ZFHX3: variants seen among roughly 807,000 people sequenced by gnomAD.
The protein encoded by ZFHX3 is zinc finger homeobox 3, also known as zinc finger homeobox protein 3.
A neutral mutation model predicts 279.1 loss-of-function variants in ZFHX3; 42 were observed. The observed-to-expected ratio is 0.15, with a 90% confidence interval of 0.12 to 0.19. The LOEUF (loss-of-function observed/expected upper bound fraction) is 0.19, where lower values mean the gene tolerates loss of function less well. Among genes scored for constraint, ZFHX3 ranks in the 10% least tolerant of loss-of-function variants. The pLI, the probability that ZFHX3 is intolerant of heterozygous loss-of-function variation, is 1.00. For synonymous variants in ZFHX3, 2,293 were observed against 1,957.8 expected (o/e 1.17, Z -4.52); for missense variants, 4,981 against 4,754.0 (o/e 1.05, Z -1.40).
intron 3 of ZFHX3, among the ~76,000 whole-genome samples, chr16:73,346,577 T>C (rs1407494490): frequency 6.6e-6 from 1 of 152,224 alleles, no homozygotes; most frequent in East Asian, 1.9e-4. Context: ...GTTCAAGCGA[T>C]TCTTATGCCT....
At chr16:73,439,909 C>CAAAAAAAAAAAAAAAAA (rs71156164) in intron 3 of ZFHX3, among the ~76,000 whole-genome samples, 4 of 75,444 alleles carry the variant, frequency 5.3e-5, no homozygotes, top group Admixed American at 2.0e-4. Context: ...GGGAGAGGGA[C>CAAAAAAAAAAAAAAAAA]AAAAAAAAAA....
At chr16:73,177,661 T>A (rs1967694525) in intron 5 of ZFHX3, among the ~76,000 whole-genome samples, 3 of 152,324 alleles carry the variant, frequency 2.0e-5, no homozygotes, top group African/African-American at 7.2e-5. Context: ...CTAGACCAAA[T>A]ACAATTTTTT....
chr16:73,586,041 C>G (rs1359591218), intron 2 of ZFHX3, among the ~76,000 whole-genome samples: 1 of 151,860 alleles, frequency 6.6e-6, no homozygotes, highest in Admixed American at 6.6e-5. Flanking sequence ...AAATTCTAAA[C>G]TAAGAAAATA....
chr16:72,922,640 C>A (rs2065392220), intron 3 of ZFHX3, among the ~76,000 whole-genome samples: 1 of 152,166 alleles, frequency 6.6e-6, no homozygotes, highest in Non-Finnish European at 1.5e-5. Flanking sequence ...CCTTATGGAA[C>A]GACCGTCACT....
chr16:72,799,471 T>A (rs2036026464), intron 8 of ZFHX3, among the ~76,000 whole-genome samples: 1 of 152,170 alleles, frequency 6.6e-6, no homozygotes, highest in African/African-American at 2.4e-5. Context: ...TTAGAACTCT[T>A]CCCACCTTAG....
intron 4 of ZFHX3, among the ~76,000 whole-genome samples, chr16:72,870,934 TTTTGATGTCAAGGG>T (rs1481304931): frequency 7.9e-5 from 12 of 152,286 alleles, no homozygotes; most frequent in African/African-American, 2.9e-4. Context: ...CACTAACTTA[TTTTGATGTCAAGGG>T]GCACCATGTG....
intron 1 of ZFHX3, among the ~76,000 whole-genome samples, chr16:73,731,389 G>C (rs1428414695): frequency 1.3e-5 from 2 of 151,990 alleles, no homozygotes; most frequent in Non-Finnish European, 2.9e-5. Context: ...CTGGGGGAGG[G>C]GCGTGGAGGT....
At chr16:73,543,820 C>G in intron 2 of ZFHX3, 1 of 149,986 alleles carries the variant, frequency 6.7e-6, no homozygotes. Context: ...CTTCCCAGAG[C>G]CTTCTGCTGG....
At chr16:73,310,998 C>T (rs147806436) in intron 4 of ZFHX3, among the ~76,000 whole-genome samples, 2,689 of 152,138 alleles carry the variant, frequency 0.018, 70 homozygotes, top group African/African-American at 0.054. Context: ...CTTGCGAGGC[C>T]GAGGCAGGCG....
intron 1 of ZFHX3, among the ~76,000 whole-genome samples, chr16:73,772,596 G>A (rs115316941): frequency 7.9e-5 from 12 of 152,268 alleles, no homozygotes; most frequent in South Asian, 6.2e-4. Flanking sequence ...AGATATGTCC[G>A]TTCTGCAGTT....
chr16:73,001,417 A>G (rs1369799185), intron 1 of ZFHX3, among the ~76,000 whole-genome samples: 5 of 152,186 alleles, frequency 3.3e-5, no homozygotes, highest in African/African-American at 1.2e-4. Context: ...ACCCACAGAA[A>G]CTGTAAGATA....
intron 2 of ZFHX3, among the ~76,000 whole-genome samples, chr16:73,562,642 C>A (rs2020388697): frequency 6.8e-6 from 1 of 147,422 alleles, no homozygotes; most frequent in Admixed American, 6.8e-5. Context: ...TCTCTTCATT[C>A]ACTTGTCTCA....
chr16:73,340,187 C>T (rs1014829157), intron 3 of ZFHX3, among the ~76,000 whole-genome samples: 1 of 152,142 alleles, frequency 6.6e-6, no homozygotes, highest in African/African-American at 2.4e-5. Context: ...AAGAGGTGCT[C>T]AGAGGAGGTT....
chr16:73,034,435 C>A (rs1315310759), intron 1 of ZFHX3, among the ~76,000 whole-genome samples: 1 of 152,200 alleles, frequency 6.6e-6, no homozygotes, highest in East Asian at 1.9e-4. Flanking sequence ...AAGCAATGCA[C>A]CACACAGTCC....
At chr16:73,503,759 C>A (rs1193404936) in intron 2 of ZFHX3, among the ~76,000 whole-genome samples, 1 of 152,176 alleles carries the variant, frequency 6.6e-6, no homozygotes, top group Non-Finnish European at 1.5e-5. Context: ...TTAAATGTAA[C>A]CACCGAACTG....
intron 2 of ZFHX3, among the ~76,000 whole-genome samples, chr16:73,497,638 C>G (rs534577076): frequency 6.6e-6 from 1 of 152,208 alleles, no homozygotes; most frequent in South Asian, 2.1e-4. Context: ...CCACTGCACT[C>G]CAGCCTGGGC....
Position 73,530,536 on chromosome 16 carries a change from A to C in ZFHX3, c.-1546-74278T>G, listed in dbSNP as rs1475701098. Among the ~76,000 whole-genome samples, 5 of 152,170 alleles carry C rather than the reference A, an allele frequency of 3.3e-5. No individual in the cohort carries two copies. In the East Asian group the frequency reaches 9.6e-4, roughly 29 times the overall value. On this transcript the variant is annotated intron_variant, in intron 2 of 17. Transcript: ENST00000641206. Reference sequence around the variant, plus strand: ...CAGGTTTCCAAATTAGAGTTCAGACACTGTAATATACTTATGAAGCTCCCA... The same window carrying C: ...CAGGTTTCCAAATTAGAGTTCAGACCCTGTAATATACTTATGAAGCTCCCA...
chr16:73,839,305 C>G (rs1383005443), intron 1 of ZFHX3, among the ~76,000 whole-genome samples: 2 of 83,700 alleles, frequency 2.4e-5, no homozygotes, highest in East Asian at 7.4e-4. Context: ...GAACTTGCAG[C>G]AACAGAGCAA....
intron 3 of ZFHX3, among the ~76,000 whole-genome samples, 162 bp downstream of exon 3, chr16:72,950,307 A>G (rs1486633705): frequency 6.6e-6 from 1 of 152,050 alleles, no homozygotes; most frequent in African/African-American, 2.4e-5. Flanking sequence ...CTGGTGACAA[A>G]GTGGACACCG....
Sources: allele counts gnomAD v4.1 joint callset (sites outside exome capture counted in the v4.1 genomes callset), GRCh38; gene constraint gnomAD v4.1.1; transcripts MANE v1.5; gene names NCBI Gene and HGNC (gene_info 2026-07-23, HGNC 2026-07-21).